The following SSTR3 variants were observed in gnomAD, a reference collection of about 807,000 sequenced individuals.
SSTR3 encodes somatostatin receptor 3.
For missense variants in SSTR3, 504 were observed against 604.7 expected (o/e 0.83, Z 1.75); for synonymous variants, 281 against 269.2 (o/e 1.04, Z -0.43).
upstream of SSTR3, among the ~76,000 whole-genome samples, chr22:37,213,884 A>C (rs1230534372): frequency 6.6e-6 from 1 of 152,166 alleles, no homozygotes; most frequent in Non-Finnish European, 1.5e-5. Flanking sequence ...AGGCGTACCC[A>C]GCCTCATGTA....
intron 1 of SSTR3, among the ~76,000 whole-genome samples, chr22:37,208,437 C>T (rs1426408858): frequency 6.6e-6 from 1 of 151,986 alleles, no homozygotes; most frequent in Non-Finnish European, 1.5e-5. Context: ...GGTGCCCCCT[C>T]AGCCTGGGCC....
upstream of SSTR3, among the ~76,000 whole-genome samples, chr22:37,212,806 C>T (rs1028846778): frequency 2.0e-5 from 3 of 152,154 alleles, no homozygotes; most frequent in Admixed American, 6.5e-5. Flanking sequence ...GCCCTGCAGT[C>T]GGGCACACCG....
In SSTR3 at chr22:37,206,574, G is replaced by A. The variant is rs757430386; in HGVS notation, c.1230C>T (p.Ser410=). Reference sequence around the variant, plus strand: ...ACAGGTAGCTGATGCGCATCGTGCTGGACTTCTCCCCAGTGGAAGCCTCTT... The same window carrying A: ...ACAGGTAGCTGATGCGCATCGTGCTAGACTTCTCCCCAGTGGAAGCCTCTT... ...LPQEASTGEK[S]STMRISYL is the part of the protein sequence containing the mutation. The change falls in exon 2 of 2, where the codon TCC becomes TCT. Residue 410 remains serine, a synonymous_variant. Coordinates refer to ENST00000610913, the MANE Select transcript of SSTR3 (RefSeq NM_001051.5). The A allele has an allele frequency of 6.8e-6, 11 of 1,611,692 alleles. No homozygotes were observed. Among genetic ancestry groups the A allele is most frequent in the Non-Finnish European group, 8.5e-6 (10 of 1,179,628 alleles).
upstream of SSTR3, among the ~76,000 whole-genome samples, chr22:37,216,899 C>G (rs1461392074): frequency 1.3e-5 from 2 of 152,196 alleles, no homozygotes; most frequent in African/African-American, 2.4e-5. Flanking sequence ...CTCCCAGGCC[C>G]AAGCGATCTT....
At chr22:37,208,742 TG>T (rs1434939575) in intron 1 of SSTR3, among the ~76,000 whole-genome samples, 3 of 152,340 alleles carry the variant, frequency 2.0e-5, no homozygotes, top group Admixed American at 1.3e-4. Flanking sequence ...GGGGCTCCTC[TG>T]GGCTCCCCTG....
chr22:37,218,996 G>A, the SSTR3 span, among the ~76,000 whole-genome samples: 12 of 152,166 alleles, frequency 7.9e-5, no homozygotes, highest in Non-Finnish European at 1.8e-4. Flanking sequence ...GTAGCAGCAG[G>A]CACTTAGGTT....
upstream of SSTR3, among the ~76,000 whole-genome samples, chr22:37,212,776 G>A (rs1926269440): frequency 6.6e-6 from 1 of 152,166 alleles, no homozygotes; most frequent in Admixed American, 6.5e-5. Flanking sequence ...GGGCTGGCCA[G>A]CCCGGGAGTC....
upstream of SSTR3, among the ~76,000 whole-genome samples, chr22:37,216,134 A>G (rs952506755): frequency 1.3e-5 from 2 of 152,184 alleles, no homozygotes; most frequent in Non-Finnish European, 2.9e-5. Flanking sequence ...CGCTAAGTGG[A>G]CTACTGTAGC....
Position 37,204,798 on chromosome 22 carries a change from TG to T in SSTR3, c.*1748del, listed in dbSNP as rs1015337576. The T allele has an allele frequency of 7.2e-5, 11 of 152,300 alleles. No individual in the cohort carries two copies. The highest frequency in any genetic ancestry group is 2.1e-4 in the South Asian group (1 of 4,840). 9.4% of individuals were successfully genotyped at this position (152,300 alleles called of 1,614,324 possible). ...GCTGGGATTCATCTCCATTTGTTGA[TG>T]GGGAAATTGAGGCCCGGAAGGCCAA... On this transcript the variant is annotated 3_prime_UTR_variant, in exon 2 of 2. Transcript: ENST00000610913.
At chr22:37,217,822 G>A in the SSTR3 span, among the ~76,000 whole-genome samples, 1 of 152,112 alleles carries the variant, frequency 6.6e-6, no homozygotes, top group Non-Finnish European at 1.5e-5. Context: ...TTCTGCCTCA[G>A]CCTCCTGAGT....
rs769298129 is a variant in SSTR3, at chr22:37,206,590, GA to G, written c.1213del (p.Ser405ProfsTer34). 6.2e-7 allele frequency: 1 copy of G among 1,612,308 alleles called. No homozygotes were observed. Reference protein sequence around the residue: ...KEQQLLPQEASTGEKSSTMRI... With the variant: ...KEQQLLPQEAXTGEKSSTMRI... ...CATCGTGCTGGACTTCTCCCCAGTG[GA>G]AGCCTCTTGGGGTAGGAGCTGCTGC... On this transcript the variant is annotated frameshift_variant, in exon 2 of 2. Coordinates refer to ENST00000610913, the MANE Select transcript of SSTR3 (RefSeq NM_001051.5). LOFTEE classifies it high-confidence loss of function.
chr22:37,214,144 TG>T (rs1380129019), upstream of SSTR3, among the ~76,000 whole-genome samples: 1 of 152,162 alleles, frequency 6.6e-6, no homozygotes, highest in Non-Finnish European at 1.5e-5. Context: ...ACCCGTCCAC[TG>T]CTCTCCATCC....
In SSTR3 at chr22:37,205,666, G is replaced by T. The variant is rs1374792336; in HGVS notation, c.*881C>A. On this transcript the variant is annotated 3_prime_UTR_variant, in exon 2 of 2. Transcript: ENST00000610913. Reference sequence around the variant, plus strand: ...CCCTCAAAAGACCTGGGAACCCCCGGGGGCCCCTACTCCAGCCATAAGACC... The same window carrying T: ...CCCTCAAAAGACCTGGGAACCCCCGTGGGCCCCTACTCCAGCCATAAGACC... The T allele has an allele frequency of 6.6e-6, 1 of 152,228 alleles. No individual in the cohort carries two copies. Among genetic ancestry groups the T allele is most frequent in the Non-Finnish European group, 1.5e-5 (1 of 68,094 alleles). The allele number at this position is 152,228 out of a possible 1,614,324, so 9.4% of individuals were successfully genotyped here. A position where few individuals can be genotyped will look rare whatever the true frequency, so the allele number is the denominator to read the frequency against.
At chr22:37,209,838 G>A (rs1405147894) in intron 1 of SSTR3, among the ~76,000 whole-genome samples, 1 of 152,260 alleles carries the variant, frequency 6.6e-6, no homozygotes. Context: ...CGCTTTCCCA[G>A]TTGCCCCCAG....
Position 37,207,728 on chromosome 22 carries a change from C to T in SSTR3, c.76G>A (p.Ala26Thr), listed in dbSNP as rs1356204498. ...ENASSAWPPD[A>T]TLGNVSAGPS... is the part of the protein sequence containing the mutation. ...CCCGCCGACACGTTGCCCAGGGTGG[C>T]ATCTGGGGGCCAGGCCGAGGAGGCA... The change falls in exon 2 of 2, where the codon GCC becomes ACC. Residue 26 changes from alanine (A) to threonine (T), a missense_variant. By Grantham distance (58) the Ala-to-Thr change is moderately conservative. Transcript: ENST00000610913. 2.0e-6 allele frequency: 3 copies of T among 1,530,284 alleles called. No individual in the cohort carries two copies. The highest frequency in any genetic ancestry group is 1.3e-5 in the South Asian group (1 of 77,698). 94.8% of individuals were successfully genotyped at this position (1,530,284 alleles called of 1,614,324 possible). A position where few individuals can be genotyped will look rare whatever the true frequency, so the allele number is the denominator to read the frequency against.
upstream of SSTR3, among the ~76,000 whole-genome samples, chr22:37,215,503 A>T (rs1926400793): frequency 6.6e-6 from 1 of 152,220 alleles, no homozygotes; most frequent in Admixed American, 6.5e-5. Flanking sequence ...CTCCTGCCTC[A>T]GCCTCCCGAG....
At chr22:37,211,343 G>A (rs987460673) in intron 1 of SSTR3, among the ~76,000 whole-genome samples, 6 of 152,228 alleles carry the variant, frequency 3.9e-5, no homozygotes, top group South Asian at 2.1e-4. Context: ...CAGGCCCAGC[G>A]CTGGGGGCTT....
chr22:37,212,215 GA>G lies in SSTR3; in HGVS notation c.-428del. The G allele has an allele frequency of 1.1e-6, 1 of 930,982 alleles. No individual in the cohort carries two copies. The highest frequency in any genetic ancestry group is 1.3e-6 in the Non-Finnish European group (1 of 780,388). The allele number at this position is 930,982 out of a possible 1,614,324, so 57.7% of individuals were successfully genotyped here. ...GGTCGGGAGGAGGTGGAGAAAGAGA[GA>G]GAGAGAGAAAGAGGGAGGGGGAGAG... On this transcript the variant is annotated 5_prime_UTR_variant, in exon 1 of 2. The change creates a premature stop within an existing upstream ORF in the 5' untranslated region. Transcript: ENST00000610913.
intron 1 of SSTR3, chr22:37,210,852 T>C: frequency 1.0e-6 from 1 of 985,412 alleles, no homozygotes; most frequent in Non-Finnish European, 1.2e-6. Flanking sequence ...ATTTATTTCT[T>C]AACCCCAGAA....
Sources: allele counts gnomAD v4.1 joint callset (sites outside exome capture counted in the v4.1 genomes callset), GRCh38; gene constraint gnomAD v4.1.1; transcripts MANE v1.5; gene names NCBI Gene and HGNC (gene_info 2026-07-23, HGNC 2026-07-21).